The following NTNG1 variants were observed in gnomAD, a reference collection of about 807,000 sequenced individuals.
The protein encoded by NTNG1 is netrin G1, also known as netrin-G1.
NTNG1 carries 16 observed loss-of-function variants against 54.0 expected under a neutral mutation model. The ratio of observed to expected loss-of-function variants is 0.30; its 90% confidence interval spans 0.20 to 0.45. The LOEUF (loss-of-function observed/expected upper bound fraction) is 0.45, where lower values mean the gene tolerates loss of function less well. Among genes scored for constraint, NTNG1 ranks in the 20% least tolerant of loss-of-function variants. The pLI, the probability that NTNG1 is intolerant of heterozygous loss-of-function variation, is 1.00. For missense variants in NTNG1, 530 were observed against 678.7 expected, an observed-to-expected ratio of 0.78 and a Z score of 2.43; for synonymous variants, 255 against 263.1, an observed-to-expected ratio of 0.97 and a Z score of 0.30.
At chr1:107,306,679 A>AGG (rs1666714104) in intron 2 of NTNG1, among the ~76,000 whole-genome samples, 1 of 151,338 alleles carries the variant, frequency 6.6e-6, no homozygotes, top group African/African-American at 2.4e-5. Flanking sequence ...TGAACCTGGG[A>AGG]GGTGGAGGTT....
At chr1:107,306,418 A>G (rs4244127) in intron 2 of NTNG1, among the ~76,000 whole-genome samples, 12,634 of 152,250 alleles carry the variant, frequency 0.083, 569 homozygotes, top group Middle Eastern at 0.15. Flanking sequence ...TGGCTCCCAT[A>G]TGGGACAACA....
At chr1:107,312,954 T>G (rs1044598990) in intron 2 of NTNG1, among the ~76,000 whole-genome samples, 1 of 152,158 alleles carries the variant, frequency 6.6e-6, no homozygotes, top group Non-Finnish European at 1.5e-5. Flanking sequence ...GCTAATACTT[T>G]AATACCTCCT....
intron 3 of NTNG1, among the ~76,000 whole-genome samples, chr1:107,364,975 T>G (rs970185047): frequency 3.3e-5 from 5 of 152,234 alleles, no homozygotes; most frequent in African/African-American, 1.2e-4. Flanking sequence ...ATTTATATGA[T>G]GCACAGTCAT....
intron 2 of NTNG1, among the ~76,000 whole-genome samples, chr1:107,182,589 G>A (rs2101138995): frequency 6.6e-6 from 1 of 152,106 alleles, no homozygotes; most frequent in Non-Finnish European, 1.5e-5. Flanking sequence ...ATTCCCCATG[G>A]TCCTAGTAAA....
intron 5 of NTNG1, among the ~76,000 whole-genome samples, chr1:107,423,958 T>C (rs1216224237): frequency 6.6e-6 from 1 of 152,146 alleles, no homozygotes; most frequent in Non-Finnish European, 1.5e-5. Context: ...CATTTGACAA[T>C]ATTTTTTCAG....
chr1:107,186,636 C>T (rs1037444634), intron 2 of NTNG1, among the ~76,000 whole-genome samples: 2 of 152,146 alleles, frequency 1.3e-5, no homozygotes, highest in African/African-American at 4.8e-5. Context: ...CCCAAGCCTT[C>T]AAATTGTTCC....
intron 7 of NTNG1, among the ~76,000 whole-genome samples, chr1:107,476,603 C>A (rs1678348523): frequency 6.6e-6 from 1 of 152,180 alleles, no homozygotes; most frequent in Admixed American, 6.5e-5. Flanking sequence ...TCTCTCTTAT[C>A]CATTCACATA....
At position 107,279,898 on chromosome 1, in the gene NTNG1, C is replaced by T. The variant is rs572043896; in HGVS notation, c.247-44384C>T. ...CTCAAACTCTTAGCCTCAAGCAGTC[C>T]TCCCACCATGGGTTGCAGTCCTACC... is the stretch of plus-strand genomic sequence containing the variant. On this transcript the variant is annotated intron_variant, in intron 2 of 7. Transcript: ENST00000370068. Among the ~76,000 whole-genome samples the T allele has an allele frequency of 1.6e-4, 24 of 152,168 alleles. No individual in the cohort carries two copies. In the East Asian group the frequency reaches 4.3e-3, roughly 27 times the overall value.
In NTNG1 at chr1:107,483,708, A is replaced by G. The variant is rs1043392209; in HGVS notation, c.*2868A>G. On this transcript the variant is annotated 3_prime_UTR_variant, in exon 8 of 8. Transcript: ENST00000370068. ...ATTTTTTCCCTTTGATAAATCCCTT[A>G]AAGTGGCTTAATGTAGTCTTGCATA... is the stretch of plus-strand genomic sequence containing the variant. Among the ~76,000 whole-genome samples the G allele has an allele frequency of 6.6e-6, 1 of 152,202 alleles. No homozygotes were observed. Among genetic ancestry groups the G allele is most frequent in the African/African-American group, 2.4e-5 (1 of 41,454 alleles).
intron 2 of NTNG1, among the ~76,000 whole-genome samples, chr1:107,261,956 C>T (rs1346812516): frequency 6.6e-6 from 1 of 152,110 alleles, no homozygotes; most frequent in African/African-American, 2.4e-5. Context: ...GTTCTCTGTC[C>T]GGGCAATGTT....
At chr1:107,273,238 T>G (rs1664258603) in intron 2 of NTNG1, among the ~76,000 whole-genome samples, 1 of 152,036 alleles carries the variant, frequency 6.6e-6, no homozygotes, top group Non-Finnish European at 1.5e-5. Flanking sequence ...AGCCGGGAAG[T>G]GAGTGCTGAG....
chr1:107,409,008 T>C (rs567128502), intron 5 of NTNG1: 17 of 152,278 alleles, frequency 1.1e-4, no homozygotes, highest in African/African-American at 3.8e-4. Context: ...GTAAATGCCA[T>C]GAAAATTGGC....
intron 7 of NTNG1, among the ~76,000 whole-genome samples, chr1:107,445,589 C>T (rs1036523059): frequency 6.6e-6 from 1 of 152,058 alleles, no homozygotes; most frequent in African/African-American, 2.4e-5. Flanking sequence ...AAGTAGCACA[C>T]CAGTTATTAG....
intron 3 of NTNG1, among the ~76,000 whole-genome samples, chr1:107,389,892 A>C (rs566255315): frequency 6.6e-5 from 10 of 152,334 alleles, no homozygotes; most frequent in Admixed American, 5.9e-4. Context: ...TGGGAGCTGG[A>C]TGGCCATGGG....
At chr1:107,427,036 C>T (rs952096809) in intron 5 of NTNG1, among the ~76,000 whole-genome samples, 2 of 152,006 alleles carry the variant, frequency 1.3e-5, no homozygotes, top group South Asian at 2.1e-4. Context: ...GATTTTGTAT[C>T]CTGAGACTTT....
At chr1:107,252,901 A>G (rs1486881205) in intron 2 of NTNG1, among the ~76,000 whole-genome samples, 9 of 152,190 alleles carry the variant, frequency 5.9e-5, no homozygotes, top group Non-Finnish European at 1.3e-4. Context: ...TACCATTACC[A>G]AAGATGGGCA....
intron 2 of NTNG1, among the ~76,000 whole-genome samples, chr1:107,283,752 C>A (rs530616629): frequency 6.6e-6 from 1 of 152,112 alleles, no homozygotes; most frequent in Non-Finnish European, 1.5e-5. Context: ...GCTGAAGAAC[C>A]TATGGTGGAT....
chr1:107,221,558 G>A (rs1387924381), intron 2 of NTNG1, among the ~76,000 whole-genome samples: 1 of 152,104 alleles, frequency 6.6e-6, no homozygotes. Context: ...GGCTTTCTAG[G>A]TAGAGGGAAC....
intron 3 of NTNG1, among the ~76,000 whole-genome samples, chr1:107,391,900 C>A (rs1164915672): frequency 1.3e-5 from 2 of 152,064 alleles, no homozygotes; most frequent in Non-Finnish European, 1.5e-5. Context: ...GACAAAATAT[C>A]CAAACCATAT....
Sources: allele counts gnomAD v4.1 joint callset (sites outside exome capture counted in the v4.1 genomes callset), GRCh38; gene constraint gnomAD v4.1.1; transcripts MANE v1.5; gene names NCBI Gene and HGNC (gene_info 2026-07-23, HGNC 2026-07-21).